The following NCAPH2 variants were observed in gnomAD, a reference collection of about 807,000 sequenced individuals.
NCAPH2 encodes non-SMC condensin II complex subunit H2.
NCAPH2 carries 56 observed loss-of-function variants against 88.6 expected under a neutral mutation model. The ratio of observed to expected loss-of-function variants is 0.63; its 90% CI spans 0.51 to 0.79. The LOEUF (loss-of-function observed/expected upper bound fraction) is 0.79, where lower values mean the gene tolerates loss of function less well. NCAPH2 is among the 30% of genes least tolerant of loss of function. The pLI is 0.00. For synonymous variants in NCAPH2, 378 were observed against 313.6 expected, an observed-to-expected ratio of 1.21 and a Z score of -2.17; for missense variants, 794 against 792.0, an observed-to-expected ratio of 1.00 and a Z score of -0.03.
Position 50,524,026 on chromosome 22 carries a change from C to T in NCAPH2, c.*651C>T. On this transcript the variant is annotated 3_prime_UTR_variant, in exon 20 of 20. Transcript: ENST00000420993. ...GCAGATGTCAGGGCAGTGAGTGAAG[C>T]CAAAGTACATCAGCACCCACTGGCC... The T allele has an allele frequency of 6.2e-7, 1 of 1,613,570 alleles. No homozygotes were observed.
Position 50,523,170 on chromosome 22 carries a change from A to AGT in NCAPH2, c.1677+5_1677+6dup. On this transcript the variant is annotated splice_donor_region_variant and intron_variant, in intron 19 of 19. Coordinates refer to ENST00000420993, the MANE Select transcript of NCAPH2 (RefSeq NM_152299.4). ...CATGCTGGCCTCCCTGCAGCTGGTGAGTAGCCTGGGATACGTGGGAGGGGG... is the reference window on the plus strand; with the variant it reads ...CATGCTGGCCTCCCTGCAGCTGGTGAGTGTAGCCTGGGATACGTGGGAGGGGG... 1.9e-6 allele frequency: 3 copies of AGT among 1,613,440 alleles called. No homozygotes were observed. The highest frequency in any genetic ancestry group is 2.5e-6 in the Non-Finnish European group (3 of 1,179,886).
At position 50,518,166 on chromosome 22, in the gene NCAPH2, T is replaced by C; in HGVS notation, c.534T>C (p.Asp178=). Residue 178 remains aspartate (D), a synonymous_variant, in exon 7 of 20, where the codon GAT becomes GAC. Coordinates refer to ENST00000420993, the MANE Select transcript of NCAPH2 (RefSeq NM_152299.4). ...RQGEVLASRK[D]FRMNTCVPHP... The stretch of plus-strand genomic sequence containing the variant: ...GTGAGGTCCTGGCCAGCCGGAAGGA[T>C]TTCAGGATGAACACGTGCGTTCCCC... 1 of 1,614,070 alleles carries C rather than the reference T, an allele frequency of 6.2e-7. No individual in the cohort carries two copies. The highest frequency in any genetic ancestry group is 8.5e-7 in the Non-Finnish European group (1 of 1,180,002).
intron 1 of NCAPH2, 98 bp from the exon 2 acceptor site, chr22:50,516,349 G>A: frequency 9.3e-7 from 1 of 1,071,068 alleles, no homozygotes; most frequent in Non-Finnish European, 1.4e-6. Context: ...CGTCTCGGGA[G>A]GTGCTGGGCA....
At chr22:50,516,102 C>T (rs969141518) in intron 1 of NCAPH2, among the ~76,000 whole-genome samples, 11 of 152,120 alleles carry the variant, frequency 7.2e-5, no homozygotes, top group African/African-American at 2.7e-4. Context: ...CTTTCCTACC[C>T]CTGAGGTTCC....
At chr22:50,516,911 G>A (rs1426701944) in intron 2 of NCAPH2, among the ~76,000 whole-genome samples, 1 of 152,206 alleles carries the variant, frequency 6.6e-6, no homozygotes, top group Non-Finnish European at 1.5e-5. Context: ...CCTCACGGTG[G>A]GGCCTCTGTT....
rs375345044 is a variant in NCAPH2 at position 50,523,689 on chromosome 22, G to C, written c.*314G>C. On this transcript the variant is annotated 3_prime_UTR_variant, in exon 20 of 20. Coordinates refer to ENST00000420993, the MANE Select transcript of NCAPH2 (RefSeq NM_152299.4). ...TCTGCTCAGCCGATCTGCTCCGGCC[G>C]TAGTAATCCGTGAAGAGGCCGTCAG... 1 of 1,614,150 alleles carries C rather than the reference G, an allele frequency of 6.2e-7. No individual in the cohort carries two copies. The highest frequency in any genetic ancestry group is 2.2e-5 in the East Asian group (1 of 44,884).
Position 50,518,691 on chromosome 22 carries a change from G to A in NCAPH2, c.689G>A (p.Cys230Tyr), listed in dbSNP as rs769717687. Reference sequence around the variant, plus strand: ...GAGCAGCCAATGGAAGTTTCCGTGTGCAGGAGCCCTGTCCCAGCACTCGGC... The same window carrying A: ...GAGCAGCCAATGGAAGTTTCCGTGTACAGGAGCCCTGTCCCAGCACTCGGC... ...TEEQPMEVSV[C>Y]RSPVPALGFS... The change falls in exon 8 of 20, where the codon TGC becomes TAC. Residue 230 changes from cysteine (C) to tyrosine (Y), a missense_variant. Transcript: ENST00000420993. 4 of 1,609,666 alleles carry A rather than the reference G, an allele frequency of 2.5e-6. No individual in the cohort carries two copies. The highest frequency in any genetic ancestry group is 2.2e-5 in the East Asian group (1 of 44,804).
chr22:50,516,901 C>T (rs1378893685), intron 2 of NCAPH2, among the ~76,000 whole-genome samples: 3 of 152,202 alleles, frequency 2.0e-5, no homozygotes, highest in Non-Finnish European at 4.4e-5. Flanking sequence ...CAACCACCAC[C>T]CTCACGGTGG....
In NCAPH2 at chr22:50,519,186, C is replaced by G; in HGVS notation, c.731-4C>G. 6.2e-7 allele frequency: 1 copy of G among 1,606,228 alleles called. No individual in the cohort carries two copies. The highest frequency in any genetic ancestry group is 8.5e-7 in the Non-Finnish European group (1 of 1,177,250). On this transcript the variant is annotated splice_polypyrimidine_tract_variant and splice_region_variant and intron_variant, in intron 8 of 19. Transcript: ENST00000420993. ...AGCTGATCACTCTCTTGCTCCCTGC[C>G]TAGGCCCCTCTCCAGAAGGCCCGAT... is the stretch of plus-strand genomic sequence containing the variant.
chr22:50,517,358 G>A, intron 2 of NCAPH2, 69 bp from the exon 3 acceptor site: 1 of 1,543,936 alleles, frequency 6.5e-7, no homozygotes, highest in Non-Finnish European at 9.0e-7. Flanking sequence ...GGCACCGATG[G>A]ATAGCTGGGA....
chr22:50,510,833 T>C (rs2068762222), intron 1 of NCAPH2, among the ~76,000 whole-genome samples: 2 of 151,938 alleles, frequency 1.3e-5, no homozygotes, highest in South Asian at 4.1e-4. Context: ...TTAGAATGTT[T>C]ATCATAAACC....
intron 10 of NCAPH2, 97 bp from the exon 11 acceptor site, chr22:50,521,446 C>A: frequency 1.5e-6 from 2 of 1,299,858 alleles, no homozygotes; most frequent in Non-Finnish European, 2.2e-6. Context: ...ACCCCCTACT[C>A]TTCCTTTGGG....
chr22:50,520,086 G>A (rs1302957871), intron 9 of NCAPH2, among the ~76,000 whole-genome samples: 2 of 151,998 alleles, frequency 1.3e-5, no homozygotes, highest in African/African-American at 4.8e-5. Flanking sequence ...TGGCCAGGAT[G>A]GTCTCAATCT....
In NCAPH2 at chr22:50,508,357, G is replaced by C; in HGVS notation, c.20G>C (p.Arg7Pro). 6.7e-7 allele frequency: 1 copy of C among 1,482,174 alleles called. No individual in the cohort carries two copies. The highest frequency in any genetic ancestry group is 8.9e-7 in the Non-Finnish European group (1 of 1,120,606). The allele number at this position is 1,482,174 out of a possible 1,614,324, so 91.8% of individuals were successfully genotyped here. Residue 7 changes from arginine to proline, a missense_variant, in exon 1 of 20, where the codon CGC (arginine) becomes CCC (proline). Arg to Pro is a moderately radical substitution (Grantham distance 103). Coordinates refer to ENST00000420993, the MANE Select transcript of NCAPH2 (RefSeq NM_152299.4). MEDVEARFAHLLQPIRD... is the reference protein window; with the variant it reads MEDVEAPFAHLLQPIRD... ...CCGGACATGGAGGACGTGGAGGCGC[G>C]CTTCGCCCACCTCTTGCAGCCCATC...
Position 50,522,363 on chromosome 22 carries a change from G to A in NCAPH2, c.1254G>A (p.Arg418=), listed in dbSNP as rs199797587. ...QRREVAEQWL[R]PAEEDHLEDS... Reference sequence around the variant, plus strand: ...GACAGGTGGCTGAGCAGTGGCTGCGGCCTGCAGAGGAGGACCACCTGGAGG... The same window carrying A: ...GACAGGTGGCTGAGCAGTGGCTGCGACCTGCAGAGGAGGACCACCTGGAGG... The change falls in exon 15 of 20, where the codon CGG becomes CGA. Residue 418 remains arginine (R), a synonymous_variant. Transcript: ENST00000420993. 2.9e-5 allele frequency: 46 copies of A among 1,607,016 alleles called. No homozygotes were observed. In the East Asian group the frequency reaches 1.0e-3, roughly 35 times the overall value.
At chr22:50,519,785 T>C in intron 9 of NCAPH2, 2 of 975,430 alleles carry the variant, frequency 2.1e-6, no homozygotes, top group Non-Finnish European at 2.4e-6. Context: ...GTTTCTTCAC[T>C]CTAGTTGGTA....
At chr22:50,515,890 G>C in intron 1 of NCAPH2, 1 of 937,568 alleles carries the variant, frequency 1.1e-6, no homozygotes, top group Non-Finnish European at 1.4e-6. Context: ...GGGCTCATTG[G>C]CTTATGGTTG....
intron 1 of NCAPH2, among the ~76,000 whole-genome samples, chr22:50,511,855 G>A (rs2068793223): frequency 6.6e-6 from 1 of 151,898 alleles, no homozygotes. Context: ...CACCATGTTA[G>A]CCAGGATGGT....
rs1447130743 is a variant in NCAPH2, at chr22:50,524,720, T to TG, written c.*1346dup. 57 of 600,148 alleles carry TG rather than the reference T, an allele frequency of 9.5e-5. No individual in the cohort carries two copies. In the Admixed American group the frequency reaches 1.2e-3, roughly 12 times the overall value. The allele number at this position is 600,148 out of a possible 1,614,324, so 37.2% of individuals were successfully genotyped here. Reference sequence around the variant, plus strand: ...TCTTGCTGACGGAAAGCATTCCAAGTGCATGCCTTGCCTGAACTAACCACG... The same window carrying TG: ...TCTTGCTGACGGAAAGCATTCCAAGTGGCATGCCTTGCCTGAACTAACCACG... On this transcript the variant is annotated 3_prime_UTR_variant, in exon 20 of 20. Coordinates refer to ENST00000420993, the MANE Select transcript of NCAPH2 (RefSeq NM_152299.4).
Sources: allele counts gnomAD v4.1 joint callset (sites outside exome capture counted in the v4.1 genomes callset), GRCh38; gene constraint gnomAD v4.1.1; transcripts MANE v1.5; gene names NCBI Gene and HGNC (gene_info 2026-07-23, HGNC 2026-07-21).